The following MAP4 variants were observed in gnomAD, a reference collection of about 807,000 sequenced individuals.
MAP4 encodes microtubule associated protein 4, also known as microtubule-associated protein 4.
Under a neutral mutation model 170.2 loss-of-function variants are expected in MAP4, and 76 were observed. That is an observed-to-expected ratio of 0.45 (90% CI 0.37 to 0.54). MAP4 has a LOEUF of 0.54. Among genes scored for constraint, MAP4 ranks in the 20% least tolerant of loss-of-function variants. The pLI is 0.00. For synonymous variants in MAP4, 909 were observed against 994.5 expected (o/e 0.91, Z 1.62); for missense variants, 2,506 against 2,748.0 (o/e 0.91, Z 1.97).
chr3:47,923,044 T>C (rs1444772972), intron 4 of MAP4, among the ~76,000 whole-genome samples: 1 of 150,330 alleles, frequency 6.7e-6, no homozygotes, highest in Non-Finnish European at 1.5e-5. Flanking sequence ...AGTGAGACTG[T>C]CTCAAAAAAA....
At chr3:47,921,279 G>A (rs928692015) in intron 5 of MAP4, among the ~76,000 whole-genome samples, 1 of 152,184 alleles carries the variant, frequency 6.6e-6, no homozygotes, top group Admixed American at 6.5e-5. Context: ...AAGGTGATGT[G>A]TGAAAGGCCA....
chr3:47,916,533 A>G lies in MAP4; in HGVS notation c.1294T>C (p.Ser432Pro). 3 of 1,614,102 alleles carry G rather than the reference A, an allele frequency of 1.9e-6. No individual in the cohort carries two copies. The highest frequency in any genetic ancestry group is 2.5e-6 in the Non-Finnish European group (3 of 1,179,952). ...GAGGACAAAGCCACCTTCTCAGCAG[A>G]GGATATTTCTGTGGATGATATAATG... ...NDIISSTEIS[S>P]AEKVALSSET... The change falls in exon 7 of 21, where the codon TCT (serine) becomes CCT (proline). Residue 432 changes from serine to proline, a missense_variant. Physicochemically the swap from Ser to Pro is moderately conservative, Grantham distance 74. Coordinates refer to ENST00000683076, the MANE Select transcript of MAP4 (RefSeq NM_001385682.1).
chr3:47,985,119 A>G (rs2100087822), intron 2 of MAP4, among the ~76,000 whole-genome samples: 2 of 151,790 alleles, frequency 1.3e-5, no homozygotes, highest in African/African-American at 4.8e-5. Flanking sequence ...ATCTCTACCA[A>G]AAATACAAAA....
intron 1 of MAP4, among the ~76,000 whole-genome samples, chr3:48,086,553 T>C (rs1399430647): frequency 6.6e-6 from 1 of 152,094 alleles, no homozygotes; most frequent in East Asian, 1.9e-4. Flanking sequence ...GCAGGAGAAC[T>C]GCTTGAACTC....
intron 6 of MAP4, among the ~76,000 whole-genome samples, chr3:47,917,529 T>C (rs1021404324): frequency 7.1e-6 from 1 of 140,130 alleles, no homozygotes; most frequent in Non-Finnish European, 1.5e-5. Flanking sequence ...GAGTTTGCAA[T>C]GAACCGAGAT....
intron 10 of MAP4, among the ~76,000 whole-genome samples, chr3:47,901,797 A>G (rs572641799): frequency 1.1e-4 from 17 of 152,300 alleles, no homozygotes; most frequent in South Asian, 2.1e-4. Context: ...GAATCCCCCA[A>G]TGCTATTTGT....
chr3:48,082,332 T>G lies in MAP4; in HGVS notation c.-20+6441A>C, dbSNP rs566253144. 6.6e-5 allele frequency among the ~76,000 whole-genome samples: 10 copies of G among 152,342 alleles called. No individual in the cohort carries two copies. In the East Asian group the frequency reaches 1.9e-3, roughly 29 times the overall value. ...TTCCCCAAAATATTAACTAATTACT[T>G]TAGGAATTTTAACATGCCCACAAAT... On this transcript the variant is annotated intron_variant, in intron 1 of 18. Transcript: ENST00000360240.
intron 1 of MAP4, among the ~76,000 whole-genome samples, chr3:48,075,065 A>G (rs2100143166): frequency 6.6e-6 from 1 of 152,210 alleles, no homozygotes; most frequent in Admixed American, 6.6e-5. Context: ...TCTTCAAAAA[A>G]ACAAAATTAG....
chr3:47,946,653 T>TC (rs1473348871), intron 3 of MAP4, among the ~76,000 whole-genome samples: 1 of 25,474 alleles, frequency 3.9e-5, no homozygotes, highest in Non-Finnish European at 6.2e-5. Flanking sequence ...AAACTCCGTC[T>TC]CAAAAAAAAA....
chr3:48,038,617 C>A (rs1559836048), intron 1 of MAP4, among the ~76,000 whole-genome samples: 1 of 152,148 alleles, frequency 6.6e-6, no homozygotes, highest in South Asian at 2.1e-4. Flanking sequence ...CCTGCCACCA[C>A]GCCCAGCTAA....
chr3:48,021,540 G>T (rs2100110565), intron 1 of MAP4, among the ~76,000 whole-genome samples: 1 of 152,130 alleles, frequency 6.6e-6, no homozygotes, highest in African/African-American at 2.4e-5. Context: ...TAGAGACAGG[G>T]TTTCACCATG....
chr3:47,872,724 C>G (rs1016907714), intron 12 of MAP4, among the ~76,000 whole-genome samples: 15 of 152,098 alleles, frequency 9.9e-5, no homozygotes, highest in Non-Finnish European at 1.9e-4. Context: ...ACGTTTGCCT[C>G]CAAATCTACT....
chr3:47,975,852 C>T (rs376784251), intron 3 of MAP4, among the ~76,000 whole-genome samples: 1 of 150,086 alleles, frequency 6.7e-6, no homozygotes, highest in Non-Finnish European at 1.5e-5. Context: ...TGCAGTGGTG[C>T]GATCTCGGCT....
chr3:47,863,322 A>G (rs951757094), intron 17 of MAP4, among the ~76,000 whole-genome samples: 1 of 152,198 alleles, frequency 6.6e-6, no homozygotes, highest in African/African-American at 2.4e-5. Context: ...TCACTTTAAT[A>G]AAGTCCACCA....
chr3:47,863,921 G>GGTGTGTGTGTGTGT (rs747894391), intron 17 of MAP4, among the ~76,000 whole-genome samples: 6,469 of 110,844 alleles, frequency 0.058, 350 homozygotes, highest in Admixed American at 0.15. Flanking sequence ...TGTGGGTGTG[G>GGTGTGTGTGTGTGT]GTGTGTGTGT....
intron 17 of MAP4, among the ~76,000 whole-genome samples, chr3:47,862,630 A>C (rs1394916736): frequency 6.6e-6 from 1 of 152,014 alleles, no homozygotes; most frequent in African/African-American, 2.4e-5. Context: ...GGCACGTGCC[A>C]CCACGCCCAG....
intron 17 of MAP4, among the ~76,000 whole-genome samples, chr3:47,866,347 AAAACAAACAAAC>A (rs375667786): frequency 1.7e-4 from 25 of 151,284 alleles, no homozygotes; most frequent in East Asian, 1.2e-3. Context: ...AAACAAAAAC[AAAACAAACAAAC>A]AAACAAACAA....
chr3:48,006,694 G>A (rs1032782394), intron 1 of MAP4, among the ~76,000 whole-genome samples: 10 of 152,194 alleles, frequency 6.6e-5, no homozygotes, highest in Non-Finnish European at 1.0e-4. Context: ...AGAGATCAGT[G>A]CCACCATCAA....
At chr3:47,957,789 T>C (rs925538886) in intron 3 of MAP4, among the ~76,000 whole-genome samples, 3 of 152,164 alleles carry the variant, frequency 2.0e-5, no homozygotes, top group African/African-American at 7.2e-5. Context: ...GACAACACCC[T>C]GAAAGGATGG....
Sources: gnomAD v4.1 joint callset for allele counts (sites outside exome capture counted in the v4.1 genomes callset) on GRCh38, gnomAD v4.1.1 for gene constraint, MANE v1.5 for transcripts, NCBI Gene and HGNC (gene_info 2026-07-23, HGNC 2026-07-21) for gene names.